Variants in CTNND2 observed in about 807,000 individuals in gnomAD.
The protein encoded by CTNND2 is catenin delta 2.
CTNND2 carries 22 observed loss-of-function variants against 144.4 expected under a neutral mutation model. The observed-to-expected ratio is 0.15, with a 90% confidence interval of 0.11 to 0.22. The LOEUF (loss-of-function observed/expected upper bound fraction) is 0.22, where lower values mean the gene tolerates loss of function less well. Among genes scored for constraint, CTNND2 ranks in the 10% least tolerant of loss-of-function variants. CTNND2 has a pLI of 1.00. For missense variants in CTNND2, 1,353 were observed against 1,618.8 expected (o/e 0.84, Z 2.82); for synonymous variants, 751 against 695.6 (o/e 1.08, Z -1.25).
intron 8 of CTNND2, among the ~76,000 whole-genome samples, chr5:11,353,778 G>A (rs530223277): frequency 7.1e-4 from 107 of 151,732 alleles, no homozygotes; most frequent in African/African-American, 2.5e-3. Context: ...ATTCTGGCCT[G>A]GGCGACAAGA....
At chr5:11,181,013 A>T (rs761974887) in intron 11 of CTNND2, among the ~76,000 whole-genome samples, 12 of 152,036 alleles carry the variant, frequency 7.9e-5, no homozygotes, top group Non-Finnish European at 1.8e-4. Context: ...GAGGTCTGGG[A>T]TGTGTTTGGG....
chr5:11,572,881 G>A (rs1347282737), intron 2 of CTNND2, among the ~76,000 whole-genome samples: 1 of 152,204 alleles, frequency 6.6e-6, no homozygotes, highest in Non-Finnish European at 1.5e-5. Flanking sequence ...GTCTGACTTA[G>A]TGACAATGTT....
intron 1 of CTNND2, among the ~76,000 whole-genome samples, chr5:11,900,786 C>T (rs1238355945): frequency 3.9e-5 from 6 of 152,216 alleles, no homozygotes; most frequent in African/African-American, 1.4e-4. Flanking sequence ...AGAACCACAC[C>T]TTCAGCTGAA....
chr5:11,037,625 G>A (rs762103616), intron 16 of CTNND2, among the ~76,000 whole-genome samples: 8 of 152,058 alleles, frequency 5.3e-5, no homozygotes, highest in Non-Finnish European at 1.2e-4. Context: ...TACAAATTTC[G>A]CTGTGATTAC....
chr5:11,318,243 C>T (rs1366359691), intron 9 of CTNND2, among the ~76,000 whole-genome samples: 1 of 152,170 alleles, frequency 6.6e-6, no homozygotes, highest in Non-Finnish European at 1.5e-5. Context: ...GACCCAAAGT[C>T]CCCTGCTATC....
intron 1 of CTNND2, among the ~76,000 whole-genome samples, chr5:11,804,045 A>G (rs145361572): frequency 8.7e-4 from 132 of 152,262 alleles, no homozygotes; most frequent in African/African-American, 2.7e-3. Flanking sequence ...AAGTCTTCAC[A>G]TTTTGTGGGG....
chr5:11,822,703 G>T (rs1385772615), intron 1 of CTNND2, among the ~76,000 whole-genome samples: 1 of 152,120 alleles, frequency 6.6e-6, no homozygotes, highest in Non-Finnish European at 1.5e-5. Context: ...AGACCAGCAT[G>T]GCAAGGAAAT....
chr5:11,736,001 C>CAGT (rs1787663400), intron 1 of CTNND2, among the ~76,000 whole-genome samples: 1 of 152,048 alleles, frequency 6.6e-6, no homozygotes, highest in Non-Finnish European at 1.5e-5. Context: ...GGCTCTGAGC[C>CAGT]AGTATTCTTA....
At chr5:11,061,662 C>A (rs753138205) in intron 16 of CTNND2, among the ~76,000 whole-genome samples, 30 of 152,098 alleles carry the variant, frequency 2.0e-4, no homozygotes, top group Non-Finnish European at 3.4e-4. Flanking sequence ...CTCTCTAAAC[C>A]CTTACCCTAT....
At chr5:11,024,190 A>G (rs1742579515) in intron 16 of CTNND2, among the ~76,000 whole-genome samples, 1 of 152,216 alleles carries the variant, frequency 6.6e-6, no homozygotes, top group Non-Finnish European at 1.5e-5. Context: ...AGTGATACAT[A>G]AAACACAGGC....
At chr5:10,992,494 AC>A (rs1330868482) in intron 19 of CTNND2, 56 bp downstream of exon 19, 1 of 1,610,942 alleles carries the variant, frequency 6.2e-7, no homozygotes, top group African/African-American at 1.3e-5. Context: ...ACTGGGAAGG[AC>A]CGTCTTTGCT....
At chr5:11,157,428 T>C (rs1758323946) in intron 12 of CTNND2, among the ~76,000 whole-genome samples, 1 of 152,180 alleles carries the variant, frequency 6.6e-6, no homozygotes, top group Non-Finnish European at 1.5e-5. Context: ...ACTGCCATGA[T>C]CATAACACTA....
At chr5:11,330,243 G>C in intron 9 of CTNND2, among the ~76,000 whole-genome samples, 1 of 150,678 alleles carries the variant, frequency 6.6e-6, no homozygotes, top group South Asian at 2.1e-4. Context: ...AGGCTGAGGC[G>C]GGCGGATCAC....
At chr5:11,230,403 T>C (rs1263634127) in intron 10 of CTNND2, among the ~76,000 whole-genome samples, 1 of 152,110 alleles carries the variant, frequency 6.6e-6, no homozygotes, top group Non-Finnish European at 1.5e-5. Context: ...CAACATTTAG[T>C]CACCTCCTAA....
At chr5:11,880,577 TA>T (rs1735981809) in intron 1 of CTNND2, among the ~76,000 whole-genome samples, 1 of 145,156 alleles carries the variant, frequency 6.9e-6, no homozygotes, top group African/African-American at 2.5e-5. Flanking sequence ...GTACTACTAC[TA>T]CTACCACTAC....
intron 14 of CTNND2, among the ~76,000 whole-genome samples, chr5:11,099,804 A>C (rs531434585): frequency 6.6e-6 from 1 of 152,348 alleles, no homozygotes; most frequent in African/African-American, 2.4e-5. Context: ...TTTTAGAAAA[A>C]AATACACATA....
chr5:11,730,142 C>A (rs957770490), intron 2 of CTNND2, among the ~76,000 whole-genome samples: 1 of 152,072 alleles, frequency 6.6e-6, no homozygotes, highest in African/African-American at 2.4e-5. Flanking sequence ...TTGTGTCTTG[C>A]TATTACTAGT....
chr5:11,090,761 T>C (rs769493098), intron 15 of CTNND2, among the ~76,000 whole-genome samples: 2 of 152,028 alleles, frequency 1.3e-5, no homozygotes, highest in Non-Finnish European at 2.9e-5. Context: ...AAACTAAAAG[T>C]CAATTTAATA....
intron 3 of CTNND2, among the ~76,000 whole-genome samples, chr5:11,467,406 G>A (rs999315873): frequency 5.3e-5 from 8 of 152,324 alleles, no homozygotes; most frequent in African/African-American, 1.2e-4. Flanking sequence ...TGCTTATGTC[G>A]GAGGCTGAGA....
Sources: allele counts gnomAD v4.1 joint callset (sites outside exome capture counted in the v4.1 genomes callset), GRCh38; gene constraint gnomAD v4.1.1; transcripts MANE v1.5; gene names NCBI Gene and HGNC (gene_info 2026-07-23, HGNC 2026-07-21).